The following THBS4 variants were observed in gnomAD, a reference collection of about 807,000 sequenced individuals.
THBS4 encodes the protein thrombospondin-4.
A neutral mutation model predicts 115.7 loss-of-function variants in THBS4; 90 were observed. The ratio of observed to expected loss-of-function variants is 0.78; its 90% confidence interval spans 0.66 to 0.93. THBS4 has a LOEUF of 0.93. THBS4 is among the 40% of genes least tolerant of loss of function. The pLI is 0.00. For synonymous variants in THBS4, 460 were observed against 479.3 expected, an observed-to-expected ratio of 0.96 and a Z score of 0.53; for missense variants, 1,087 against 1,232.7, an observed-to-expected ratio of 0.88 and a Z score of 1.77.
intron 20 of THBS4, among the ~76,000 whole-genome samples, chr5:80,081,628 T>TTAGAATGTTAATTTTCAAAC (rs1258390739): frequency 6.6e-6 from 1 of 152,212 alleles, no homozygotes; most frequent in African/African-American, 2.4e-5. Context: ...GGTACACATT[T>TTAGAATGTTAATTTTCAAAC]TAGAATGTTA....
intron 9 of THBS4, chr5:80,066,699 A>G (rs1833840084): frequency 6.6e-6 from 1 of 152,258 alleles, no homozygotes; most frequent in Non-Finnish European, 1.5e-5. Context: ...GCAATGCTAT[A>G]TTGCTTAGGA....
chr5:80,064,431 T>G (rs561640648), intron 8 of THBS4, among the ~76,000 whole-genome samples: 4 of 152,184 alleles, frequency 2.6e-5, no homozygotes, highest in Non-Finnish European at 1.5e-5. Context: ...AAATGGCAGT[T>G]TATATAAAGA....
chr5:80,051,354 G>A (rs1471620432), intron 2 of THBS4, among the ~76,000 whole-genome samples: 1 of 152,070 alleles, frequency 6.6e-6, no homozygotes, highest in African/African-American at 2.4e-5. Flanking sequence ...TAGAGGCACT[G>A]AAGTAAAGAA....
chr5:79,995,166 T>C (rs1393546283), intron 1 of THBS4, among the ~76,000 whole-genome samples: 3 of 152,198 alleles, frequency 2.0e-5, no homozygotes, highest in African/African-American at 7.2e-5. Flanking sequence ...GAATTTATAG[T>C]TTTGAGAAAG....
At position 80,059,471 on chromosome 5, in the gene THBS4, T is replaced by G. The variant is rs542080774; in HGVS notation, c.764T>G (p.Ile255Arg). The change falls in exon 6 of 22, where the codon ATA becomes AGA. Residue 255 changes from isoleucine (I) to arginine (R), a missense_variant. This residue lies in a region of THBS4 where 979 missense variants were observed against 1,103.7 expected (regional missense o/e 0.89). Coordinates refer to ENST00000350881, the MANE Select transcript of THBS4 (RefSeq NM_003248.6). ...GAAACATCATTTTTGCGAAACACCA[T>G]AGCTGAATGCCAGGCTTGCGGTAAG... The part of the protein sequence containing the change: ...VKETSFLRNT[I>R]AECQACGPLK... The G allele has an allele frequency of 1.2e-6, 2 of 1,614,068 alleles. No individual in the cohort carries two copies. Among genetic ancestry groups the G allele is most frequent in the Non-Finnish European group, 1.7e-6 (2 of 1,180,000 alleles).
intron 2 of THBS4, among the ~76,000 whole-genome samples, chr5:80,053,629 T>C (rs1833324003): frequency 6.6e-6 from 1 of 152,222 alleles, no homozygotes; most frequent in Non-Finnish European, 1.5e-5. Context: ...GCTTTGCAGC[T>C]GCAATGATGT....
Position 80,070,633 on chromosome 5 carries a change from T to C in THBS4, c.1453-10T>C. 1 of 1,611,542 alleles carries C rather than the reference T, an allele frequency of 6.2e-7. No homozygotes were observed. The highest frequency in any genetic ancestry group is 8.5e-7 in the Non-Finnish European group (1 of 1,177,696). On this transcript the variant is annotated splice_polypyrimidine_tract_variant and intron_variant, in intron 11 of 21. Transcript: ENST00000350881. ...TAGGATGTCACTCGGAACTGCATTT[T>C]CCCCCTAAGGACAACTGCAAATATG...
chr5:80,078,146 C>T lies in THBS4; in HGVS notation c.2184C>T (p.Thr728=), dbSNP rs756411864. 27 of 1,612,238 alleles carry T rather than the reference C, an allele frequency of 1.7e-5. No individual in the cohort carries two copies. The highest frequency in any genetic ancestry group is 1.3e-4 in the South Asian group (12 of 90,674). ...CAGAGAACGCAGAGGTCACCCTGAC[C>T]GACTTCAGGGCTTACCAGACCGTGG... ...VCPENAEVTL[T]DFRAYQTVVL... The change falls in exon 17 of 22, where the codon ACC becomes ACT. Residue 728 remains threonine, a synonymous_variant. Transcript: ENST00000350881.
chr5:80,047,634 T>A (rs1399199733), intron 2 of THBS4, among the ~76,000 whole-genome samples: 1 of 139,144 alleles, frequency 7.2e-6, no homozygotes, highest in African/African-American at 2.6e-5. Flanking sequence ...AAATTAAGAA[T>A]TTTTTTTTTT....
chr5:80,070,477 G>A, intron 11 of THBS4, 67 bp downstream of exon 11: 1 of 1,498,182 alleles, frequency 6.7e-7, no homozygotes, highest in East Asian at 2.3e-5. Flanking sequence ...TCTTCTATGG[G>A]GAGAGGTTCT....
chr5:80,073,283 G>A lies in THBS4; in HGVS notation c.1848G>A (p.Val616=), dbSNP rs910754488. Residue 616 remains valine, a synonymous_variant, in exon 15 of 22, where the codon GTG becomes GTA. Coordinates refer to ENST00000350881, the MANE Select transcript of THBS4 (RefSeq NM_003248.6). ...PDVSNPNQSD[V]DNDLVGDSCD... is the part of the protein sequence containing the mutation. ...TGCTGTTCTCTTTGCAGTCTGATGT[G>A]GATAATGATCTGGTTGGGGACTCCT... is the stretch of plus-strand genomic sequence containing the variant. 6.8e-6 allele frequency: 11 copies of A among 1,613,866 alleles called. No homozygotes were observed. The highest frequency in any genetic ancestry group is 8.5e-6 in the Non-Finnish European group (10 of 1,179,970).
chr5:80,078,319 T>A, intron 17 of THBS4, 92 bp downstream of exon 17: 1 of 1,122,154 alleles, frequency 8.9e-7, no homozygotes, highest in Non-Finnish European at 1.2e-6. Context: ...GTGCAGACAA[T>A]AAGCCAGGCA....
At chr5:80,006,159 G>A (rs1412851389) in intron 2 of THBS4, among the ~76,000 whole-genome samples, 1 of 152,194 alleles carries the variant, frequency 6.6e-6, no homozygotes, top group Admixed American at 6.5e-5. Context: ...TACCCTCATA[G>A]TTATAAAATA....
intron 2 of THBS4, among the ~76,000 whole-genome samples, chr5:80,000,060 G>T (rs1831866308): frequency 6.6e-6 from 1 of 152,164 alleles, no homozygotes; most frequent in Admixed American, 6.5e-5. Context: ...GAAGTATACT[G>T]AGTAGGTATA....
At chr5:80,061,515 C>G (rs16877466) in intron 7 of THBS4, among the ~76,000 whole-genome samples, 180 bp from the exon 8 acceptor site, 3,361 of 152,314 alleles carry the variant, frequency 0.022, 51 homozygotes, top group Non-Finnish European at 0.034. Flanking sequence ...TAAAAAGCAA[C>G]CTCAGATTGT....
Position 80,035,466 on chromosome 5 carries a change from C to T in THBS4, c.-72C>T, listed in dbSNP as rs1192464931. On this transcript the variant is annotated 5_prime_UTR_variant, in exon 1 of 22. The change creates a new upstream start codon in the 5' untranslated region. Transcript: ENST00000350881. This position sits in a 1 kb window ranked among gnomAD's most constrained non-coding sequence, Gnocchi z 4.6. Reference sequence around the variant, plus strand: ...CGGGCGCCGACCGAGGTTCAACGCACGGCCCGGGGACCCCCAGGCGGGGCC... The same window carrying T: ...CGGGCGCCGACCGAGGTTCAACGCATGGCCCGGGGACCCCCAGGCGGGGCC... 4.0e-5 allele frequency: 45 copies of T among 1,114,012 alleles called. No individual in the cohort carries two copies. The highest frequency in any genetic ancestry group is 5.0e-5 in the Non-Finnish European group (44 of 880,866). The allele number at this position is 1,114,012 out of a possible 1,614,324, so 69.0% of individuals were successfully genotyped here.
At chr5:80,001,628 CA>C (rs1283255185) in intron 2 of THBS4, among the ~76,000 whole-genome samples, 1 of 152,150 alleles carries the variant, frequency 6.6e-6, no homozygotes, top group Non-Finnish European at 1.5e-5. Context: ...GGAGGTGTAC[CA>C]GGGGAGGTGT....
chr5:80,054,293 A>G (rs946628144), intron 2 of THBS4, among the ~76,000 whole-genome samples: 6 of 148,126 alleles, frequency 4.1e-5, no homozygotes, highest in Non-Finnish European at 4.4e-5. Flanking sequence ...AGCTGGGACT[A>G]CAAGTATGTG....
upstream of THBS4, among the ~76,000 whole-genome samples, chr5:80,032,447 G>T (rs1832603943): frequency 6.6e-6 from 1 of 152,164 alleles, no homozygotes. Flanking sequence ...ATAGGAAGGG[G>T]AGTTTATTAA....
Sources: allele counts gnomAD v4.1 joint callset (sites outside exome capture counted in the v4.1 genomes callset), GRCh38; gene constraint gnomAD v4.1.1; regional missense constraint gnomAD v4.1.1; non-coding constraint Gnocchi (gnomAD v3.1); transcripts MANE v1.5; gene names NCBI Gene and HGNC (gene_info 2026-07-23, HGNC 2026-07-21).